Variants in PATJ observed in about 807,000 individuals in gnomAD.
The protein encoded by PATJ is PATJ crumbs cell polarity complex component.
PATJ carries 190 observed loss-of-function variants against 224.9 expected under a neutral mutation model. That is an observed-to-expected ratio of 0.84 (90% CI 0.75 to 0.95). The LOEUF (loss-of-function observed/expected upper bound fraction) is 0.95. PATJ is among the 40% of genes least tolerant of loss of function. The pLI is 0.00. For synonymous variants in PATJ, 769 were observed against 820.3 expected, an observed-to-expected ratio of 0.94 and a Z score of 1.07; for missense variants, 2,121 against 2,270.3, an observed-to-expected ratio of 0.93 and a Z score of 1.34.
At chr1:61,898,347 C>G (rs796541276) in intron 22 of PATJ, among the ~76,000 whole-genome samples, 23 of 152,142 alleles carry the variant, frequency 1.5e-4, no homozygotes, top group African/African-American at 5.1e-4. Context: ...CTCAAATGAT[C>G]CTCCTGCTCC....
At chr1:61,871,400 T>C (rs1233756501) in intron 20 of PATJ, among the ~76,000 whole-genome samples, 1 of 117,358 alleles carries the variant, frequency 8.5e-6, no homozygotes, top group Non-Finnish European at 1.7e-5. Context: ...TATATATATA[T>C]GTGTATATAT....
intron 31 of PATJ, among the ~76,000 whole-genome samples, 163 bp from the exon 32 acceptor site, chr1:62,079,287 C>T (rs750635973): frequency 3.9e-5 from 6 of 152,084 alleles, no homozygotes; most frequent in Non-Finnish European, 7.4e-5. Context: ...GAATGAGGAA[C>T]GAGGCATAAA....
chr1:61,856,780 A>T lies in PATJ; in HGVS notation c.2322+541A>T, dbSNP rs1435639807. Among the ~76,000 whole-genome samples, 3 of 152,184 alleles carry T rather than the reference A, an allele frequency of 2.0e-5. No homozygotes were observed. In the East Asian group the frequency reaches 5.8e-4, roughly 29 times the overall value. ...CTAATTTTTTGTATTTTTAGTAGAG[A>T]TGGGGTTTCACCATGTTGGCCAGGC... On this transcript the variant is annotated intron_variant, in intron 18 of 43. Coordinates refer to ENST00000642238, the MANE Select transcript of PATJ (RefSeq NM_001350145.3).
At chr1:61,859,768 C>T (rs967266680) in intron 18 of PATJ, among the ~76,000 whole-genome samples, 4 of 151,986 alleles carry the variant, frequency 2.6e-5, no homozygotes, top group East Asian at 1.9e-4. Flanking sequence ...TACAGGCATG[C>T]GCCACCATGC....
rs536430078 is a variant in PATJ, at chr1:62,047,333, C to T, written c.4033-3633C>T. Among the ~76,000 whole-genome samples, 10 of 152,222 alleles carry T rather than the reference C, an allele frequency of 6.6e-5. No homozygotes were observed. In the South Asian group the frequency reaches 8.3e-4, roughly 13 times the overall value. On this transcript the variant is annotated intron_variant, in intron 30 of 43. Coordinates refer to ENST00000642238, the MANE Select transcript of PATJ (RefSeq NM_001350145.3). ...GTGCAGTGGCGTGATATCGGCTCAC[C>T]GCAACCTCTGCCTCCTGGGTTCAAG...
intron 27 of PATJ, among the ~76,000 whole-genome samples, chr1:61,976,396 G>T (rs1186387761): frequency 5.9e-5 from 9 of 151,832 alleles, no homozygotes; most frequent in East Asian, 1.9e-4. Flanking sequence ...GTTGTGAGGG[G>T]TTTTTTTGTT....
intron 7 of PATJ, among the ~76,000 whole-genome samples, chr1:61,783,001 A>C (rs1232961809): frequency 6.6e-6 from 1 of 152,204 alleles, no homozygotes; most frequent in Admixed American, 6.5e-5. Context: ...TTATAATATG[A>C]GTCTACTGAC....
chr1:62,006,731 A>G (rs1393316186), intron 28 of PATJ, among the ~76,000 whole-genome samples: 2 of 146,870 alleles, frequency 1.4e-5, no homozygotes, highest in African/African-American at 5.0e-5. Context: ...AAACCAGTCT[A>G]TAAGGGGAAA....
chr1:61,895,363 A>G (rs1178297545), intron 22 of PATJ, among the ~76,000 whole-genome samples: 2 of 152,252 alleles, frequency 1.3e-5, no homozygotes, highest in Non-Finnish European at 2.9e-5. Context: ...TCCTCCCATC[A>G]CAGTCCCAGA....
rs141803379 is a variant in PATJ, at chr1:61,883,334, AT to A, written c.2960-902del. Among the ~76,000 whole-genome samples the A allele has an allele frequency of 8.7e-3, 1,323 of 152,312 alleles. 20 individuals are homozygous for A. Among genetic ancestry groups the A allele is most frequent in the African/African-American group, 0.03 (1,243 of 41,564 alleles). ...GTAAATATTTAAATAAATTATGGCA[AT>A]CTGTACCCTTTACCTGCTGGTAAAA... On this transcript the variant is annotated intron_variant, in intron 21 of 43. Coordinates refer to ENST00000642238, the MANE Select transcript of PATJ (RefSeq NM_001350145.3).
chr1:62,135,102 T>C (rs926047199), intron 41 of PATJ, among the ~76,000 whole-genome samples: 1 of 151,940 alleles, frequency 6.6e-6, no homozygotes, highest in Non-Finnish European at 1.5e-5. Context: ...ACCCCAGAGG[T>C]TCAGATTTAA....
intron 28 of PATJ, among the ~76,000 whole-genome samples, chr1:61,996,995 G>A (rs557075202): frequency 1.9e-4 from 29 of 152,098 alleles, no homozygotes; most frequent in African/African-American, 6.7e-4. Flanking sequence ...GCCCGCCTTG[G>A]CCTCCCAAAG....
At chr1:62,053,374 A>G (rs1653985311) in intron 31 of PATJ, among the ~76,000 whole-genome samples, 1 of 152,162 alleles carries the variant, frequency 6.6e-6, no homozygotes, top group South Asian at 2.1e-4. Context: ...GATAGCCTGA[A>G]TTTGGACAAC....
intron 31 of PATJ, among the ~76,000 whole-genome samples, chr1:62,054,734 A>G (rs532884404): frequency 4.6e-5 from 7 of 152,326 alleles, no homozygotes; most frequent in East Asian, 3.9e-4. Context: ...AGTTTCATCT[A>G]TAATCTCATT....
intron 28 of PATJ, among the ~76,000 whole-genome samples, chr1:62,006,044 G>C (rs1412218938): frequency 6.6e-6 from 1 of 151,978 alleles, no homozygotes; most frequent in East Asian, 1.9e-4. Context: ...TTCCAATTTG[G>C]CAGGGTTTTT....
intron 27 of PATJ, among the ~76,000 whole-genome samples, chr1:61,972,474 T>A (rs1683116969): frequency 2.6e-5 from 4 of 152,092 alleles, no homozygotes. Flanking sequence ...AAGTTAAATG[T>A]TAAAACAATG....
In PATJ at chr1:61,745,587, T is replaced by G. The variant is rs566217160; in HGVS notation, c.-36+3032T>G. Reference sequence around the variant, plus strand: ...CTGCACCTAGCCAAAATTATTTTACTTTATTTTATTTTAATTAATTAATTT... The same window carrying G: ...CTGCACCTAGCCAAAATTATTTTACGTTATTTTATTTTAATTAATTAATTT... On this transcript the variant is annotated intron_variant, in intron 1 of 43. Coordinates refer to ENST00000642238, the MANE Select transcript of PATJ (RefSeq NM_001350145.3). 2.7e-3 allele frequency among the ~76,000 whole-genome samples: 399 copies of G among 149,238 alleles called. 2 individuals carry two copies. Among genetic ancestry groups the G allele is most frequent in the Non-Finnish European group, 5.0e-3 (336 of 67,434 alleles).
chr1:61,898,281 C>G (rs1406299604), intron 22 of PATJ, among the ~76,000 whole-genome samples: 1 of 152,114 alleles, frequency 6.6e-6, no homozygotes, highest in African/African-American at 2.4e-5. Flanking sequence ...TGCTCTGTTG[C>G]CCAGGCTGGA....
intron 6 of PATJ, among the ~76,000 whole-genome samples, chr1:61,772,506 A>C (rs1423373670): frequency 6.6e-6 from 1 of 152,164 alleles, no homozygotes; most frequent in Non-Finnish European, 1.5e-5. Context: ...GCAAGCTAAT[A>C]AATCTTATTT....
Sources: gnomAD v4.1 joint callset for allele counts (sites outside exome capture counted in the v4.1 genomes callset) on GRCh38, gnomAD v4.1.1 for gene constraint, MANE v1.5 for transcripts, NCBI Gene and HGNC (gene_info 2026-07-23, HGNC 2026-07-21) for gene names.